LRRIQ3: variants seen among roughly 807,000 people sequenced by gnomAD.
LRRIQ3 encodes the protein leucine rich repeats and IQ motif containing 3, also known as leucine-rich repeat and IQ domain-containing protein 3.
Under a neutral mutation model 59.3 loss-of-function variants are expected in LRRIQ3, and 75 were observed. The observed-to-expected ratio is 1.26, with a 90% CI of 1.05 to 1.53. The LOEUF (loss-of-function observed/expected upper bound fraction) is 1.53. LRRIQ3 is among the 40% of genes most tolerant of loss of function. The pLI is 0.00. For synonymous variants in LRRIQ3, 250 were observed against 231.3 expected (o/e 1.08, Z -0.73); for missense variants, 831 against 710.0 (o/e 1.17, Z -1.94).
intron 1 of LRRIQ3, among the ~76,000 whole-genome samples, chr1:74,195,327 AG>A (rs1305783587): frequency 6.6e-6 from 1 of 152,154 alleles, no homozygotes; most frequent in Non-Finnish European, 1.5e-5. Flanking sequence ...ATGCACTACG[AG>A]CTCCACAGTA....
At chr1:74,171,815 T>C (rs531069951) in intron 3 of LRRIQ3, among the ~76,000 whole-genome samples, 1 of 152,316 alleles carries the variant, frequency 6.6e-6, no homozygotes, top group African/African-American at 2.4e-5. Flanking sequence ...TTGTTATAGG[T>C]ATGTTCAAGC....
At chr1:74,159,148 A>G (rs918359032) in intron 3 of LRRIQ3, among the ~76,000 whole-genome samples, 2 of 152,124 alleles carry the variant, frequency 1.3e-5, no homozygotes, top group Non-Finnish European at 2.9e-5. Flanking sequence ...TGACTTTTGC[A>G]GATCTTATGG....
chr1:74,062,619 A>T (rs1654751665), intron 6 of LRRIQ3, among the ~76,000 whole-genome samples: 1 of 152,174 alleles, frequency 6.6e-6, no homozygotes, highest in Admixed American at 6.6e-5. Context: ...GATAAAGAAA[A>T]TGTGGTATAT....
chr1:74,101,175 T>A (rs1055101830), intron 5 of LRRIQ3, among the ~76,000 whole-genome samples: 6 of 152,064 alleles, frequency 3.9e-5, no homozygotes, highest in Non-Finnish European at 8.8e-5. Context: ...AAAGGGCTAA[T>A]AACCAGAATC....
At chr1:74,038,530 T>C (rs1653944282) in intron 7 of LRRIQ3, among the ~76,000 whole-genome samples, 1 of 152,174 alleles carries the variant, frequency 6.6e-6, no homozygotes, top group Non-Finnish European at 1.5e-5. Flanking sequence ...AAACAGGGAT[T>C]GTCAGACACC....
chr1:74,053,613 A>G (rs1654438096), intron 6 of LRRIQ3, among the ~76,000 whole-genome samples: 3 of 152,098 alleles, frequency 2.0e-5, no homozygotes, highest in Non-Finnish European at 4.4e-5. Context: ...TGCTTGAGCC[A>G]GAGTTTCAGG....
intron 6 of LRRIQ3, among the ~76,000 whole-genome samples, chr1:74,061,079 G>A (rs1247427480): frequency 6.6e-6 from 1 of 152,092 alleles, no homozygotes; most frequent in Non-Finnish European, 1.5e-5. Flanking sequence ...TATGACCTCA[G>A]CAAAGTTTCA....
At chr1:74,074,481 CTTTTTT>C (rs1360157890) in intron 6 of LRRIQ3, among the ~76,000 whole-genome samples, 174 bp downstream of exon 6, 1 of 151,994 alleles carries the variant, frequency 6.6e-6, no homozygotes, top group Non-Finnish European at 1.5e-5. Context: ...ATTACATGTA[CTTTTTT>C]GTGTCTGGCT....
At chr1:74,139,638 T>C (rs918168637) in intron 4 of LRRIQ3, among the ~76,000 whole-genome samples, 1 of 151,958 alleles carries the variant, frequency 6.6e-6, no homozygotes. Context: ...ATCTCTTCTG[T>C]GCTTAAACAC....
intron 3 of LRRIQ3, among the ~76,000 whole-genome samples, chr1:74,167,593 T>C (rs534132785): frequency 5.1e-4 from 77 of 151,784 alleles, no homozygotes; most frequent in Non-Finnish European, 4.3e-4. Flanking sequence ...ACAATGGACT[T>C]TGGGGACTTG....
At chr1:74,187,125 C>G (rs914465789) in intron 1 of LRRIQ3, among the ~76,000 whole-genome samples, 3 of 151,978 alleles carry the variant, frequency 2.0e-5, no homozygotes, top group Non-Finnish European at 4.4e-5. Context: ...ATGGAAATTC[C>G]TTAAGGAACT....
At chr1:74,177,721 AT>A (rs1195411301) in intron 3 of LRRIQ3, among the ~76,000 whole-genome samples, 2 of 151,908 alleles carry the variant, frequency 1.3e-5, no homozygotes, top group African/African-American at 4.8e-5. Flanking sequence ...GGGAATTAAT[AT>A]GTTTATTACA....
At chr1:74,087,880 T>C (rs1379041544) in intron 5 of LRRIQ3, among the ~76,000 whole-genome samples, 1 of 151,796 alleles carries the variant, frequency 6.6e-6, no homozygotes, top group Non-Finnish European at 1.5e-5. Flanking sequence ...AGGTGGATCA[T>C]GAGGTCAGGA....
At chr1:74,043,636 C>T (rs1305232765) in intron 6 of LRRIQ3, among the ~76,000 whole-genome samples, 1 of 152,032 alleles carries the variant, frequency 6.6e-6, no homozygotes, top group Non-Finnish European at 1.5e-5. Context: ...GAACATAGTC[C>T]CATTAACACT....
intron 1 of LRRIQ3, among the ~76,000 whole-genome samples, chr1:74,184,510 T>C (rs1241089439): frequency 6.6e-6 from 1 of 152,156 alleles, no homozygotes; most frequent in African/African-American, 2.4e-5. Context: ...GATGTGCAGA[T>C]AAACTAAATC....
intron 4 of LRRIQ3, among the ~76,000 whole-genome samples, chr1:74,117,350 G>T (rs955479566): frequency 6.6e-6 from 1 of 152,206 alleles, no homozygotes; most frequent in African/African-American, 2.4e-5. Context: ...AGAGTCTCAT[G>T]TAAAAAGTAT....
chr1:74,081,039 G>A (rs1287116174), intron 5 of LRRIQ3, among the ~76,000 whole-genome samples: 1 of 151,514 alleles, frequency 6.6e-6, no homozygotes, highest in African/African-American at 2.4e-5. Flanking sequence ...ACTTAAAAAA[G>A]ATAACCCCTT....
intron 5 of LRRIQ3, chr1:74,078,737 G>C (rs890966240): frequency 6.6e-6 from 1 of 151,710 alleles, no homozygotes; most frequent in Admixed American, 6.6e-5. Context: ...TGAATAGTAA[G>C]CAGCTTACCT....
rs1649879580 is a variant in LRRIQ3, at chr1:74,179,980, T to A, written c.573+2558A>T. On this transcript the variant is annotated intron_variant, in intron 3 of 7. Coordinates refer to ENST00000354431, the MANE Select transcript of LRRIQ3 (RefSeq NM_001105659.2). ...AAATTATATATTTGGTAAGTTAAAG[T>A]GAGGCAAGTACCACTTCACTTTAAT... 1.3e-5 allele frequency: 2 copies of A among 152,054 alleles called. 1 individual carries two copies. Among genetic ancestry groups the A allele is most frequent in the South Asian group, 4.1e-4 (2 of 4,820 alleles). 9.4% of individuals were successfully genotyped at this position (152,054 alleles called of 1,614,324 possible).
Sources: gnomAD v4.1 joint callset for allele counts (sites outside exome capture counted in the v4.1 genomes callset) on GRCh38, gnomAD v4.1.1 for gene constraint, MANE v1.5 for transcripts, NCBI Gene and HGNC (gene_info 2026-07-23, HGNC 2026-07-21) for gene names.